The following MRPS27 variants were observed in gnomAD, a reference collection of about 807,000 sequenced individuals.
MRPS27 encodes mitochondrial ribosomal protein S27, also known as small ribosomal subunit protein mS27.
Under a neutral mutation model 48.9 loss-of-function variants are expected in MRPS27, and 43 were observed. The observed-to-expected ratio is 0.88, with a 90% confidence interval of 0.69 to 1.13. MRPS27 has a LOEUF of 1.13. Among genes scored for constraint, MRPS27 ranks in the 50% most tolerant of loss-of-function variants. The probability of loss-of-function intolerance (pLI) is 0.00; values close to 1 mark genes in which losing one functional copy is unlikely to be tolerated. For synonymous variants in MRPS27, 188 were observed against 171.9 expected, an observed-to-expected ratio of 1.09 and a Z score of -0.73; for missense variants, 467 against 476.3, an observed-to-expected ratio of 0.98 and a Z score of 0.18.
intron 4 of MRPS27, among the ~76,000 whole-genome samples, chr5:72,276,401 C>T (rs941917254): frequency 1.2e-4 from 19 of 152,110 alleles, no homozygotes; most frequent in Non-Finnish European, 2.6e-4. Flanking sequence ...TTACCCCTTA[C>T]ACAAAAATTA....
At chr5:72,227,148 G>A (rs1747922182) in intron 8 of MRPS27, 1 of 152,250 alleles carries the variant, frequency 6.6e-6, no homozygotes, top group Non-Finnish European at 1.5e-5. Flanking sequence ...TGAGAGCAAA[G>A]AGCTTCTGAT....
intron 4 of MRPS27, among the ~76,000 whole-genome samples, chr5:72,245,364 C>A (rs1326090580): frequency 2.0e-5 from 3 of 151,996 alleles, no homozygotes; most frequent in South Asian, 2.1e-4. Context: ...CAGAGATAAG[C>A]GAAATATTTT....
chr5:72,273,699 T>C (rs1400806978), intron 4 of MRPS27, among the ~76,000 whole-genome samples: 1 of 152,212 alleles, frequency 6.6e-6, no homozygotes, highest in Non-Finnish European at 1.5e-5. Context: ...ATAGGGCACT[T>C]ACCATGAATA....
Position 72,281,854 on chromosome 5 carries a change from A to G in MRPS27, c.281+13677T>C, listed in dbSNP as rs574928570. On this transcript the variant is annotated intron_variant, in intron 4 of 10. Coordinates refer to ENST00000261413, the MANE Select transcript of MRPS27 (RefSeq NM_015084.3). ...CAAAACTCTGCCAAGATTTTTACCA[A>G]TGAAGACTAATGATTGAGTTTCACC... Among the ~76,000 whole-genome samples the G allele has an allele frequency of 2.6e-5, 4 of 152,354 alleles. No homozygotes were observed. The South Asian group carries it at 6.2e-4, about 24-fold the overall frequency.
intron 2 of MRPS27, among the ~76,000 whole-genome samples, chr5:72,311,094 G>A (rs1192472957): frequency 6.6e-6 from 1 of 152,202 alleles, no homozygotes; most frequent in Non-Finnish European, 1.5e-5. Flanking sequence ...ACAGCATCCT[G>A]TACTGGAAGA....
intron 4 of MRPS27, among the ~76,000 whole-genome samples, chr5:72,247,648 T>C (rs912690159): frequency 3.3e-5 from 5 of 152,196 alleles, no homozygotes; most frequent in African/African-American, 1.2e-4. Context: ...TTATAGAAAA[T>C]AAAATTTTCA....
At chr5:72,247,190 C>T (rs918772004) in intron 4 of MRPS27, among the ~76,000 whole-genome samples, 2 of 152,138 alleles carry the variant, frequency 1.3e-5, no homozygotes, top group Middle Eastern at 3.2e-3. Context: ...GTATTACAAT[C>T]AAGCAAAGTG....
intron 2 of MRPS27, among the ~76,000 whole-genome samples, chr5:72,303,183 T>C (rs1411953391): frequency 6.6e-6 from 1 of 152,248 alleles, no homozygotes; most frequent in African/African-American, 2.4e-5. Context: ...GTGACACATA[T>C]GCTCATTATC....
chr5:72,257,193 C>A (rs1326596301), intron 4 of MRPS27, among the ~76,000 whole-genome samples: 1 of 149,830 alleles, frequency 6.7e-6, no homozygotes, highest in Non-Finnish European at 1.5e-5. Context: ...AGTCCTATTA[C>A]AAATAGCTAT....
intron 4 of MRPS27, among the ~76,000 whole-genome samples, chr5:72,243,220 A>G (rs1259430437): frequency 1.3e-5 from 2 of 152,224 alleles, no homozygotes. Flanking sequence ...CCAATGAAGG[A>G]AAGTTAGCAA....
chr5:72,222,223 C>T (rs1747762857), intron 10 of MRPS27, among the ~76,000 whole-genome samples: 1 of 152,210 alleles, frequency 6.6e-6, no homozygotes, highest in Non-Finnish European at 1.5e-5. Flanking sequence ...TCTGACAACG[C>T]TCTCCATGTG....
chr5:72,258,379 G>T (rs1302569935), intron 4 of MRPS27, among the ~76,000 whole-genome samples: 1 of 152,142 alleles, frequency 6.6e-6, no homozygotes, highest in African/African-American at 2.4e-5. Context: ...CTATGATCCG[G>T]ACTGAATATG....
chr5:72,259,563 G>A (rs1006861586), intron 4 of MRPS27, among the ~76,000 whole-genome samples: 18 of 151,176 alleles, frequency 1.2e-4, no homozygotes, highest in African/African-American at 4.4e-4. Context: ...TATCTTTTCT[G>A]AAACAAATAT....
rs1435158747 is a variant in MRPS27 at position 72,236,063 on chromosome 5, T to C, written c.397-1866A>G. On this transcript the variant is annotated intron_variant, in intron 5 of 10. Coordinates refer to ENST00000261413, the MANE Select transcript of MRPS27 (RefSeq NM_015084.3). ...GTTTTTCTTTTGTTAATCTGACTTTTGTTTTCAGCAGAGTGTCTCAACTAA... is the reference window on the plus strand; with the variant it reads ...GTTTTTCTTTTGTTAATCTGACTTTCGTTTTCAGCAGAGTGTCTCAACTAA... Among the ~76,000 whole-genome samples, 5 of 152,252 alleles carry C rather than the reference T, an allele frequency of 3.3e-5. No individual in the cohort carries two copies. The East Asian group carries it at 7.7e-4, about 24-fold the overall frequency.
chr5:72,291,934 T>C (rs950483818), intron 4 of MRPS27, among the ~76,000 whole-genome samples: 2 of 152,270 alleles, frequency 1.3e-5, no homozygotes, highest in Non-Finnish European at 2.9e-5. Context: ...CCATTTAGCC[T>C]GCTAGTAATA....
chr5:72,274,799 G>C (rs978102961), intron 4 of MRPS27, among the ~76,000 whole-genome samples: 5 of 152,124 alleles, frequency 3.3e-5, no homozygotes, highest in African/African-American at 1.2e-4. Context: ...CATTATGAAC[G>C]CTACAATGTC....
Position 72,220,850 on chromosome 5 carries a change from G to A in MRPS27, c.*59C>T. 6.2e-7 allele frequency: 1 copy of A among 1,602,700 alleles called. No individual in the cohort carries two copies. The highest frequency in any genetic ancestry group is 8.5e-7 in the Non-Finnish European group (1 of 1,175,018). Reference sequence around the variant, plus strand: ...AGGCTGTTGTCCAGGCCACTGCTGAGTCCTGGCACGGGGTTGAGTGAAGTT... The same window carrying A: ...AGGCTGTTGTCCAGGCCACTGCTGAATCCTGGCACGGGGTTGAGTGAAGTT... On this transcript the variant is annotated 3_prime_UTR_variant, in exon 11 of 11. Transcript: ENST00000261413.
At chr5:72,292,237 T>C (rs1355560877) in intron 4 of MRPS27, among the ~76,000 whole-genome samples, 1 of 145,574 alleles carries the variant, frequency 6.9e-6, no homozygotes, top group Non-Finnish European at 1.5e-5. Context: ...CCAATGAATA[T>C]AGTTGCTGGT....
At position 72,264,400 on chromosome 5, in the gene MRPS27, T is replaced by A. The variant is rs147463364; in HGVS notation, c.282-26272A>T. Among the ~76,000 whole-genome samples the A allele has an allele frequency of 6.6e-5, 10 of 152,320 alleles. No homozygotes were observed. In the East Asian group the frequency reaches 1.9e-3, roughly 29 times the overall value. ...TACTGAATTAAAGTGGTTAAATTTATCTGAATTTCATTTTTAAAAAAAAAG... is the reference window on the plus strand; with the variant it reads ...TACTGAATTAAAGTGGTTAAATTTAACTGAATTTCATTTTTAAAAAAAAAG... On this transcript the variant is annotated intron_variant, in intron 4 of 10. Transcript: ENST00000261413.
Sources: allele counts gnomAD v4.1 joint callset (sites outside exome capture counted in the v4.1 genomes callset), GRCh38; gene constraint gnomAD v4.1.1; transcripts MANE v1.5; gene names NCBI Gene and HGNC (gene_info 2026-07-23, HGNC 2026-07-21).